The following BMERB1 variants were observed in gnomAD, a reference collection of about 807,000 sequenced individuals.
The protein encoded by BMERB1 is bMERB domain-containing protein 1.
Under a neutral mutation model 23.6 loss-of-function variants are expected in BMERB1, and 12 were observed. That is an observed-to-expected ratio of 0.51 (90% CI 0.33 to 0.82). The LOEUF (loss-of-function observed/expected upper bound fraction) is 0.82, where lower values mean the gene tolerates loss of function less well. Among genes scored for constraint, BMERB1 ranks in the 40% least tolerant of loss-of-function variants. The pLI is 0.03. For synonymous variants in BMERB1, 122 were observed against 96.6 expected (o/e 1.26, Z -1.54); for missense variants, 247 against 255.4 (o/e 0.97, Z 0.22).
At chr16:15,586,271 G>A (rs1423227282) in intron 5 of BMERB1, among the ~76,000 whole-genome samples, 1 of 152,160 alleles carries the variant, frequency 6.6e-6, no homozygotes, top group Non-Finnish European at 1.5e-5. Context: ...AGGCATTCTA[G>A]GAGATAAAAC....
At chr16:15,548,072 C>A (rs2029977423) in intron 2 of BMERB1, among the ~76,000 whole-genome samples, 1 of 152,274 alleles carries the variant, frequency 6.6e-6, no homozygotes, top group East Asian at 1.9e-4. Flanking sequence ...GCAACTTCTG[C>A]CTCCCAAGTT....
At position 15,515,385 on chromosome 16, in the gene BMERB1, C is replaced by T. The variant is rs1333238671; in HGVS notation, c.187C>T (p.Leu63Phe). The change falls in exon 2 of 6, where the codon CTC (leucine) becomes TTC (phenylalanine). Residue 63 changes from leucine to phenylalanine, a missense_variant. Coordinates refer to ENST00000300006, the MANE Select transcript of BMERB1 (RefSeq NM_033201.3). ...IELEMAKIQR[L>F]REVLVRRESE... Reference sequence around the variant, plus strand: ...GCTGGAGATGGCAAAAATTCAGCGTCTCCGGGAAGTCTTGGTCCGCCGGGA... The same window carrying T: ...GCTGGAGATGGCAAAAATTCAGCGTTTCCGGGAAGTCTTGGTCCGCCGGGA... 1 of 1,614,048 alleles carries T rather than the reference C, an allele frequency of 6.2e-7. No homozygotes were observed.
intron 1 of BMERB1, among the ~76,000 whole-genome samples, chr16:15,489,340 T>G (rs964715150): frequency 6.6e-6 from 1 of 152,120 alleles, no homozygotes; most frequent in Non-Finnish European, 1.5e-5. Context: ...ATCTAAATGC[T>G]CTGAACAAAA....
chr16:15,518,682 G>C (rs2051807740), intron 2 of BMERB1, among the ~76,000 whole-genome samples: 1 of 152,126 alleles, frequency 6.6e-6, no homozygotes, highest in Non-Finnish European at 1.5e-5. Context: ...TTTTGGATGG[G>C]AAGTAATGGG....
At chr16:15,456,474 C>G (rs554602789) in intron 1 of BMERB1, among the ~76,000 whole-genome samples, 1 of 151,968 alleles carries the variant, frequency 6.6e-6, no homozygotes, top group South Asian at 2.1e-4. Context: ...GTAGCTGGGA[C>G]TACAGGCACA....
chr16:15,534,802 C>G (rs2052010320), intron 2 of BMERB1, among the ~76,000 whole-genome samples: 1 of 152,118 alleles, frequency 6.6e-6, no homozygotes, highest in African/African-American at 2.4e-5. Flanking sequence ...CTTCTCCTGT[C>G]TTATCCACAG....
intron 2 of BMERB1, among the ~76,000 whole-genome samples, chr16:15,551,435 A>G (rs539642236): frequency 2.6e-5 from 4 of 152,328 alleles, no homozygotes; most frequent in African/African-American, 7.2e-5. Context: ...CTAGATGTCA[A>G]TGGGATAACA....
chr16:15,441,051 A>G (rs1049749763), intron 1 of BMERB1, among the ~76,000 whole-genome samples: 13 of 152,300 alleles, frequency 8.5e-5, no homozygotes, highest in African/African-American at 2.6e-4. Context: ...GGTGGCTGGA[A>G]CCCAGTGAGT....
chr16:15,519,109 G>A (rs201998381), intron 2 of BMERB1, among the ~76,000 whole-genome samples: 2 of 64,512 alleles, frequency 3.1e-5, no homozygotes, highest in South Asian at 6.4e-4. Context: ...ACACACACAC[G>A]TGAGACACTC....
rs2050872207 is a variant in BMERB1 at position 15,434,762 on chromosome 16, G to A, written c.106+3G>A. The A allele has an allele frequency of 2.1e-6, 1 of 472,894 alleles. No individual in the cohort carries two copies. The highest frequency in any genetic ancestry group is 2.1e-5 in the African/African-American group (1 of 47,206). The allele number at this position is 472,894 out of a possible 1,614,324, so 29.3% of individuals were successfully genotyped here. On this transcript the variant is annotated splice_donor_region_variant and intron_variant, in intron 1 of 5. Transcript: ENST00000300006. ...GAAAACGGAGAGACTGGGGAGAAGT[G>A]AGTACTGGGGCGGGGGGCGGGGGGC...
chr16:15,434,893 G>A (rs1342604036), intron 1 of BMERB1, 134 bp downstream of exon 1: 2 of 722,198 alleles, frequency 2.8e-6, no homozygotes, highest in African/African-American at 3.6e-5. Flanking sequence ...TGGCAGCTCA[G>A]GGGGATACGC....
intron 1 of BMERB1, among the ~76,000 whole-genome samples, chr16:15,476,134 A>G (rs976164727): frequency 4.0e-5 from 6 of 150,212 alleles, no homozygotes; most frequent in Non-Finnish European, 7.4e-5. Context: ...TCATTACTGC[A>G]TATCCTACTT....
intron 1 of BMERB1, among the ~76,000 whole-genome samples, chr16:15,506,708 A>T (rs2051596034): frequency 6.6e-6 from 1 of 152,104 alleles, no homozygotes; most frequent in African/African-American, 2.4e-5. Context: ...GAAAAAAAAA[A>T]AAAGAATAGG....
rs1357586313 is a variant in BMERB1, at chr16:15,434,645, G to T, written c.-9G>T. On this transcript the variant is annotated 5_prime_UTR_variant, in exon 1 of 6. Coordinates refer to ENST00000300006, the MANE Select transcript of BMERB1 (RefSeq NM_033201.3). ...GGGAGACCCGTCGACCTGGCCACGG[G>T]GATCAGCGATGGAATTAAAGCAATC... 6.2e-7 allele frequency: 1 copy of T among 1,612,964 alleles called. No homozygotes were observed. The highest frequency in any genetic ancestry group is 8.5e-7 in the Non-Finnish European group (1 of 1,178,902).
intron 5 of BMERB1, 79 bp from the exon 6 acceptor site, chr16:15,586,638 A>G (rs2031150472): frequency 8.3e-7 from 1 of 1,207,302 alleles, no homozygotes; most frequent in Non-Finnish European, 1.2e-6. Context: ...TGGGCTGCAG[A>G]TGGTCAGGGC....
intron 2 of BMERB1, among the ~76,000 whole-genome samples, chr16:15,550,310 C>CAGGGAATGG (rs1315322934): frequency 3.3e-5 from 5 of 151,486 alleles, no homozygotes; most frequent in African/African-American, 9.7e-5. Flanking sequence ...TGAAACCATT[C>CAGGGAATGG]CCTGCCATCC....
At chr16:15,502,032 C>T (rs920719826) in intron 1 of BMERB1, among the ~76,000 whole-genome samples, 6 of 152,180 alleles carry the variant, frequency 3.9e-5, no homozygotes, top group African/African-American at 9.7e-5. Context: ...TTATGACCCC[C>T]GATTTACAGA....
chr16:15,534,445 T>C (rs901013191), intron 2 of BMERB1, among the ~76,000 whole-genome samples: 7 of 151,900 alleles, frequency 4.6e-5, no homozygotes, highest in African/African-American at 1.7e-4. Context: ...TCCCAGCTAT[T>C]AGGGAGGCTG....
intron 2 of BMERB1, among the ~76,000 whole-genome samples, chr16:15,563,007 G>T (rs544084917): frequency 6.6e-6 from 1 of 152,318 alleles, no homozygotes; most frequent in South Asian, 2.1e-4. Context: ...AGTGGCAAAA[G>T]GCAAGGGGTC....
Sources: gnomAD v4.1 joint callset for allele counts (sites outside exome capture counted in the v4.1 genomes callset) on GRCh38, gnomAD v4.1.1 for gene constraint, MANE v1.5 for transcripts, NCBI Gene and HGNC (gene_info 2026-07-23, HGNC 2026-07-21) for gene names.